Variants in OTOGL observed in about 807,000 individuals in gnomAD.
OTOGL encodes otogelin like.
Under a neutral mutation model 318.5 loss-of-function variants are expected in OTOGL, and 285 were observed. The observed-to-expected ratio is 0.89, with a 90% CI of 0.81 to 0.99. The LOEUF is 0.99. Among genes scored for constraint, OTOGL ranks in the 50% least tolerant of loss-of-function variants. OTOGL has a pLI of 0.00. For missense variants in OTOGL, 2,899 were observed against 2,845.6 expected (o/e 1.02, Z -0.43); for synonymous variants, 987 against 936.5 (o/e 1.05, Z -0.99).
In OTOGL at chr12:80,313,642, C is replaced by G. The variant is rs377307665; in HGVS notation, c.3607+10C>G. On this transcript the variant is annotated intron_variant, in intron 31 of 58. Coordinates refer to ENST00000547103, the MANE Select transcript of OTOGL (RefSeq NM_001378609.3). ...TCATCTACTGTTTGTTGTAAGTACCCTACTTAGAACATCATTATGTAGAGA... is the reference window on the plus strand; with the variant it reads ...TCATCTACTGTTTGTTGTAAGTACCGTACTTAGAACATCATTATGTAGAGA... 1.2e-4 allele frequency: 196 copies of G among 1,595,112 alleles called. No homozygotes were observed. Among genetic ancestry groups the G allele is most frequent in the Non-Finnish European group, 1.6e-4 (188 of 1,166,246 alleles).
Position 80,358,765 on chromosome 12 carries a change from A to G in OTOGL, c.6216A>G (p.Thr2072=). Residue 2072 remains threonine (T), a synonymous_variant, in exon 51 of 59, where the codon ACA becomes ACG. Coordinates refer to ENST00000547103, the MANE Select transcript of OTOGL (RefSeq NM_001378609.3). ...KENVSGQCCP[T]WHCECNCENL... ...ATGTATCTGGTCAATGTTGCCCAAC[A>G]TGGCACTGTGGTAACTAATTTTCAT... 6.2e-7 allele frequency: 1 copy of G among 1,606,480 alleles called. No individual in the cohort carries two copies. Among genetic ancestry groups the G allele is most frequent in the African/African-American group, 1.3e-5 (1 of 74,874 alleles).
intron 4 of OTOGL, among the ~76,000 whole-genome samples, chr12:80,213,485 A>G (rs1051908498): frequency 9.9e-5 from 15 of 152,188 alleles, no homozygotes; most frequent in African/African-American, 3.6e-4. Context: ...GCAGCCCAGC[A>G]GATCTCAGAC....
At chr12:80,228,215 T>C (rs1256982120) in intron 7 of OTOGL, among the ~76,000 whole-genome samples, 1 of 152,042 alleles carries the variant, frequency 6.6e-6, no homozygotes, top group African/African-American at 2.4e-5. Flanking sequence ...CTGAGGTGGT[T>C]GGATCACTTG....
At chr12:80,345,959 C>T (rs529864606) in intron 44 of OTOGL, among the ~76,000 whole-genome samples, 15 of 152,084 alleles carry the variant, frequency 9.9e-5, no homozygotes, top group Non-Finnish European at 2.2e-4. Flanking sequence ...AATGCATTTT[C>T]TTTTTACCCA....
intron 33 of OTOGL, 149 bp downstream of exon 33, chr12:80,318,862 C>A: frequency 3.7e-6 from 2 of 534,644 alleles, no homozygotes; most frequent in Non-Finnish European, 5.6e-6. Flanking sequence ...ATTGGCATAT[C>A]AGCCAGCTTT....
At position 80,328,461 on chromosome 12, in the gene OTOGL, A is replaced by C. The variant is rs76018282; in HGVS notation, c.4200-204A>C. ...ATATTCTGTGTCCAAGTTCTGCCTT[A>C]ATTTTAATCCTATTCTCTTATCATC... On this transcript the variant is annotated intron_variant, in intron 35 of 58. Coordinates refer to ENST00000547103, the MANE Select transcript of OTOGL (RefSeq NM_001378609.3). Among the ~76,000 whole-genome samples the C allele has an allele frequency of 0.051, 7,814 of 152,332 alleles. 300 individuals are homozygous for C. The highest frequency in any genetic ancestry group is 0.15 in the Middle Eastern group (43 of 294).
In OTOGL at chr12:80,262,066, G is replaced by C. The variant is rs761257385; in HGVS notation, c.1987G>C (p.Asp663His). ...CFAPVHVPVV[D>H]PCNINQQNIG... ...TGCACCTGTTCATGTCCCAGTGGTG[G>C]ACCCCTGTAACATCAATCAACAAAA... The change falls in exon 19 of 59, where the codon GAC (aspartate) becomes CAC (histidine). Residue 663 changes from aspartate (D) to histidine (H), a missense_variant. By Grantham distance (81) the Asp-to-His change is moderately conservative (BLOSUM62 -1). This residue lies in a region of OTOGL where 2,607 missense variants were observed against 2,524.9 expected (regional missense o/e 1.03). Transcript: ENST00000547103. 64 of 1,611,888 alleles carry C rather than the reference G, an allele frequency of 4.0e-5. No individual in the cohort carries two copies. Among genetic ancestry groups the C allele is most frequent in the Non-Finnish European group, 5.3e-5 (63 of 1,178,740 alleles).
intron 1 of OTOGL, among the ~76,000 whole-genome samples, chr12:80,142,815 G>C (rs978706556): frequency 6.6e-6 from 1 of 152,182 alleles, no homozygotes; most frequent in Non-Finnish European, 1.5e-5. Context: ...AGAGGTGAAT[G>C]AGGAGGGGAA....
At chr12:80,151,915 C>A (rs951846229) in intron 1 of OTOGL, among the ~76,000 whole-genome samples, 3 of 152,304 alleles carry the variant, frequency 2.0e-5, no homozygotes, top group Admixed American at 2.0e-4. Flanking sequence ...CTGTGCTTTG[C>A]AGTTCACTTT....
chr12:80,258,290 C>T lies in OTOGL; in HGVS notation c.1889+288C>T, dbSNP rs1005349813. The stretch of plus-strand genomic sequence containing the variant: ...TTAGACAGTGTGGCTCAGCTATGCT[C>T]ACTGTTCCAGCTATTCTCTTCTCTG... On this transcript the variant is annotated intron_variant, in intron 18 of 58. Coordinates refer to ENST00000547103, the MANE Select transcript of OTOGL (RefSeq NM_001378609.3). 3.9e-5 allele frequency among the ~76,000 whole-genome samples: 6 copies of T among 152,216 alleles called. No individual in the cohort carries two copies. The South Asian group carries it at 1.2e-3, about 32-fold the overall frequency.
At chr12:80,124,179 T>C (rs1221885788) in intron 1 of OTOGL, among the ~76,000 whole-genome samples, 2 of 152,244 alleles carry the variant, frequency 1.3e-5, no homozygotes, top group African/African-American at 4.8e-5. Flanking sequence ...ATGTCTAACA[T>C]TTAAGTCTTT....
intron 48 of OTOGL, 42 bp from the exon 49 acceptor site, chr12:80,356,765 A>T (rs1466694871): frequency 8.0e-7 from 1 of 1,244,208 alleles, no homozygotes; most frequent in Admixed American, 2.3e-5. Context: ...TCATTTTTTT[A>T]TTATGCTATA....
chr12:80,132,329 G>C (rs1383557082), intron 1 of OTOGL: 2 of 151,996 alleles, frequency 1.3e-5, no homozygotes, highest in Non-Finnish European at 2.9e-5. Flanking sequence ...TAGTCTTATA[G>C]GCTACTCTTA....
chr12:80,356,264 T>G, intron 47 of OTOGL, 152 bp from the exon 48 acceptor site: 1 of 633,386 alleles, frequency 1.6e-6, no homozygotes, highest in East Asian at 2.8e-5. Context: ...CTTTGTTAGA[T>G]GAGTGGGTTA....
At chr12:80,139,081 G>A (rs897574491) in intron 1 of OTOGL, among the ~76,000 whole-genome samples, 5 of 152,132 alleles carry the variant, frequency 3.3e-5, no homozygotes, top group African/African-American at 1.2e-4. Context: ...TATAGGACTC[G>A]AATTATGCAG....
intron 8 of OTOGL, among the ~76,000 whole-genome samples, chr12:80,230,081 A>G (rs965305461): frequency 6.6e-6 from 1 of 151,860 alleles, no homozygotes; most frequent in Non-Finnish European, 1.5e-5. Context: ...AGTTTTTATT[A>G]TTTCCTGGCT....
intron 31 of OTOGL, among the ~76,000 whole-genome samples, 188 bp downstream of exon 31, chr12:80,313,820 T>C (rs930641737): frequency 6.6e-6 from 1 of 152,142 alleles, no homozygotes; most frequent in African/African-American, 2.4e-5. Flanking sequence ...AAATAAATTG[T>C]GAGATAATAT....
In OTOGL at chr12:80,310,717, G is replaced by A. The variant is rs1289272398; in HGVS notation, c.3440G>A (p.Cys1147Tyr). The change falls in exon 30 of 59, where the codon TGT becomes TAT. Residue 1147 changes from cysteine to tyrosine, a missense_variant. Cys to Tyr is a radical substitution (Grantham distance 194, BLOSUM62 -2). Around this residue, in one of 3 missense-constraint regions of OTOGL, gnomAD observed 2,607 missense variants for 2,524.9 expected, o/e 1.03. Transcript: ENST00000547103. ...SILYSDIFAS[C>Y]RNVIDVTSFA... ...TTGTACAGTGATATTTTTGCTTCTT[G>A]TCGCAATGTGGTAAATGAATACTTT... is the stretch of plus-strand genomic sequence containing the variant. The A allele has an allele frequency of 6.4e-7, 1 of 1,561,670 alleles. No individual in the cohort carries two copies. Among genetic ancestry groups the A allele is most frequent in the Admixed American group, 1.7e-5 (1 of 59,868 alleles).
chr12:80,377,823 T>C, intron 58 of OTOGL, 25 bp from the exon 59 acceptor site: 2 of 1,555,326 alleles, frequency 1.3e-6, no homozygotes, highest in Non-Finnish European at 1.8e-6. Context: ...TTTAAGACTT[T>C]TTTTCTCATT....
Sources: gnomAD v4.1 joint callset for allele counts (sites outside exome capture counted in the v4.1 genomes callset) on GRCh38, gnomAD v4.1.1 for gene constraint, gnomAD v4.1.1 regional missense constraint, MANE v1.5 for transcripts, NCBI Gene and HGNC (gene_info 2026-07-23, HGNC 2026-07-21) for gene names.